The following DLG2 variants were observed in gnomAD, a reference collection of about 807,000 sequenced individuals.
The protein encoded by DLG2 is discs large MAGUK scaffold protein 2, also known as disks large homolog 2.
In DLG2, 45 loss-of-function variants were observed where a neutral mutation model predicts 132.5. That is an observed-to-expected ratio of 0.34 (90% CI 0.27 to 0.44). The LOEUF (loss-of-function observed/expected upper bound fraction) is 0.44, where lower values mean the gene tolerates loss of function less well. Ranked by LOEUF, DLG2 falls within the 20% of genes least tolerant of loss-of-function variation. The pLI, the probability that DLG2 is intolerant of heterozygous loss-of-function variation, is 1.00. For synonymous variants in DLG2, 424 were observed against 419.6 expected (o/e 1.01, Z -0.13); for missense variants, 1,045 against 1,196.9 (o/e 0.87, Z 1.87).
At chr11:85,334,369 T>C (rs930107131) in intron 3 of DLG2, among the ~76,000 whole-genome samples, 3 of 152,142 alleles carry the variant, frequency 2.0e-5, no homozygotes, top group African/African-American at 7.2e-5. Context: ...TTATGTATTC[T>C]TTTAAAGAAC....
At chr11:85,498,608 C>A (rs1276605823) in intron 3 of DLG2, among the ~76,000 whole-genome samples, 1 of 152,124 alleles carries the variant, frequency 6.6e-6, no homozygotes, top group African/African-American at 2.4e-5. Flanking sequence ...ACTCCCCACC[C>A]CAAATCAACA....
At position 84,534,850 on chromosome 11, in the gene DLG2, A is replaced by G. The variant is rs764081965; in HGVS notation, c.358-119T>C. The G allele has an allele frequency of 3.4e-6, 4 of 1,190,684 alleles. No homozygotes were observed. In the South Asian group the frequency reaches 4.9e-5, roughly 14 times the overall value. The allele number at this position is 1,190,684 out of a possible 1,614,324, so 73.8% of individuals were successfully genotyped here. A position where few individuals can be genotyped will look rare whatever the true frequency, so the allele number is the denominator to read the frequency against. On this transcript the variant is annotated intron_variant, in intron 6 of 27. Transcript: ENST00000376104. ...ACAGTGTGCACCTACTGTTGACTTC[A>G]CCAAATGGGCTTTGCTGCAGACTCT...
At chr11:84,548,272 T>C (rs1297816719) in intron 6 of DLG2, among the ~76,000 whole-genome samples, 1 of 150,982 alleles carries the variant, frequency 6.6e-6, no homozygotes. Context: ...TAAGTATTCT[T>C]TTTTTTTTAA....
intron 19 of DLG2, among the ~76,000 whole-genome samples, chr11:83,557,180 G>T (rs1460683589): frequency 6.6e-6 from 1 of 152,180 alleles, no homozygotes; most frequent in Admixed American, 6.5e-5. Flanking sequence ...TGGTATCTCT[G>T]CCTTCACACA....
chr11:83,829,639 C>T (rs1844701972), intron 17 of DLG2, among the ~76,000 whole-genome samples: 1 of 152,178 alleles, frequency 6.6e-6, no homozygotes, highest in African/African-American at 2.4e-5. Flanking sequence ...ATTTTGCTTT[C>T]CACATTGTAA....
At chr11:84,103,879 T>C (rs1011205849) in intron 9 of DLG2, among the ~76,000 whole-genome samples, 2 of 152,046 alleles carry the variant, frequency 1.3e-5, no homozygotes, top group African/African-American at 4.8e-5. Context: ...TTATATATAA[T>C]GTTGTACCGA....
intron 6 of DLG2, among the ~76,000 whole-genome samples, chr11:84,770,108 C>T (rs769663228): frequency 3.3e-5 from 5 of 152,172 alleles, no homozygotes; most frequent in Non-Finnish European, 7.4e-5. Flanking sequence ...CAAGTGAGTT[C>T]TTGCAAGATC....
intron 19 of DLG2, among the ~76,000 whole-genome samples, chr11:83,571,867 A>G (rs1423295569): frequency 6.6e-6 from 1 of 152,102 alleles, no homozygotes; most frequent in African/African-American, 2.4e-5. Context: ...TTTCATGTTT[A>G]TCTTTTATTG....
chr11:85,415,180 G>C (rs1038620589), intron 3 of DLG2, among the ~76,000 whole-genome samples: 2 of 152,112 alleles, frequency 1.3e-5, no homozygotes, highest in African/African-American at 4.8e-5. Flanking sequence ...TCCCTGCAAG[G>C]GGCATGAACT....
At chr11:84,201,206 G>T (rs2154299059) in intron 8 of DLG2, among the ~76,000 whole-genome samples, 1 of 152,246 alleles carries the variant, frequency 6.6e-6, no homozygotes, top group African/African-American at 2.4e-5. Context: ...AGATAATCAT[G>T]TGGTTTTTGT....
intron 6 of DLG2, among the ~76,000 whole-genome samples, chr11:84,575,069 C>T (rs1015645655): frequency 2.0e-5 from 3 of 152,242 alleles, no homozygotes; most frequent in Non-Finnish European, 4.4e-5. Flanking sequence ...GGCTGCCGTG[C>T]TCTAAGCTGG....
intron 6 of DLG2, among the ~76,000 whole-genome samples, chr11:85,029,842 C>G (rs1342309071): frequency 6.6e-6 from 1 of 152,114 alleles, no homozygotes; most frequent in East Asian, 1.9e-4. Flanking sequence ...TGTAGGTGGG[C>G]TTACAGGCCT....
chr11:85,432,866 T>G (rs910338281), intron 3 of DLG2, among the ~76,000 whole-genome samples: 2 of 152,080 alleles, frequency 1.3e-5, no homozygotes, highest in Admixed American at 1.3e-4. Flanking sequence ...CACATAATCT[T>G]CAGATTCCCC....
intron 7 of DLG2, among the ~76,000 whole-genome samples, chr11:84,398,975 C>A (rs2098820147): frequency 6.6e-6 from 1 of 152,146 alleles, no homozygotes; most frequent in South Asian, 2.1e-4. Context: ...GACACTTTCT[C>A]AGTTATAGCT....
At chr11:83,545,560 G>A (rs990728084) in intron 19 of DLG2, among the ~76,000 whole-genome samples, 5 of 152,040 alleles carry the variant, frequency 3.3e-5, no homozygotes, top group Admixed American at 3.3e-4. Context: ...GGTGACTTTT[G>A]AAAGCCCGTC....
intron 4 of DLG2, among the ~76,000 whole-genome samples, chr11:85,160,981 C>A (rs2077984079): frequency 6.6e-6 from 1 of 152,120 alleles, no homozygotes. Flanking sequence ...GAGAAATGAC[C>A]AGATGTGTGA....
At chr11:84,671,709 A>G (rs571108027) in intron 6 of DLG2, among the ~76,000 whole-genome samples, 1 of 152,278 alleles carries the variant, frequency 6.6e-6, no homozygotes, top group Admixed American at 6.5e-5. Flanking sequence ...AAGTCTGGCA[A>G]GTTTCGCCAC....
chr11:84,455,911 G>A (rs1285120405), intron 7 of DLG2, among the ~76,000 whole-genome samples: 1 of 151,208 alleles, frequency 6.6e-6, no homozygotes, highest in East Asian at 2.0e-4. Flanking sequence ...AGCTCAAATT[G>A]CATTCTTGAC....
chr11:84,869,430 C>T (rs1191125251), intron 6 of DLG2, among the ~76,000 whole-genome samples: 1 of 152,112 alleles, frequency 6.6e-6, no homozygotes, highest in Non-Finnish European at 1.5e-5. Context: ...CTGTTTCATG[C>T]CATTTTTTAA....
Sources: allele counts gnomAD v4.1 joint callset (sites outside exome capture counted in the v4.1 genomes callset), GRCh38; gene constraint gnomAD v4.1.1; transcripts MANE v1.5; gene names NCBI Gene and HGNC (gene_info 2026-07-23, HGNC 2026-07-21).